Variants in FKBP9 observed in about 807,000 individuals in gnomAD.
FKBP9 encodes the protein FKBP prolyl isomerase 9, also known as peptidyl-prolyl cis-trans isomerase FKBP9.
A neutral mutation model predicts 55.6 loss-of-function variants in FKBP9; 27 were observed. That is an observed-to-expected ratio of 0.49 (90% CI 0.36 to 0.67). The LOEUF is 0.67. Ranked by LOEUF, FKBP9 falls within the 30% of genes least tolerant of loss-of-function variation. FKBP9 has a pLI of 0.00. For missense variants in FKBP9, 539 were observed against 742.8 expected, an observed-to-expected ratio of 0.73 and a Z score of 3.19; for synonymous variants, 267 against 296.5, an observed-to-expected ratio of 0.90 and a Z score of 1.02.
chr7:32,969,994 T>C (rs1333285801), intron 1 of FKBP9, among the ~76,000 whole-genome samples: 10 of 151,380 alleles, frequency 6.6e-5, no homozygotes, highest in Admixed American at 4.6e-4. Flanking sequence ...AGTGAGACTC[T>C]ATCTCAAAAA....
intron 1 of FKBP9, chr7:32,963,608 A>T: frequency 1.4e-6 from 2 of 1,450,072 alleles, no homozygotes; most frequent in South Asian, 2.8e-5. Context: ...GGTTGGGGTG[A>T]ACACAAGCCC....
intron 7 of FKBP9, among the ~76,000 whole-genome samples, chr7:32,999,172 T>A (rs1315673422): frequency 6.6e-6 from 1 of 152,012 alleles, no homozygotes; most frequent in Non-Finnish European, 1.5e-5. Flanking sequence ...GGTAATCAGC[T>A]GGAGGAGGGA....
intron 8 of FKBP9, chr7:33,002,107 T>C (rs1194803235): frequency 6.5e-6 from 1 of 152,894 alleles, no homozygotes; most frequent in Non-Finnish European, 1.5e-5. Flanking sequence ...ACACAATACC[T>C]ATCTTTTCTA....
At chr7:32,970,410 G>A (rs933458512) in intron 1 of FKBP9, among the ~76,000 whole-genome samples, 1 of 151,858 alleles carries the variant, frequency 6.6e-6, no homozygotes. Flanking sequence ...TGGCCAGGCT[G>A]GTCTCAAACT....
At position 32,978,634 on chromosome 7, in the gene FKBP9, G is replaced by A. The variant is rs139884805; in HGVS notation, c.704-1730G>A. Reference sequence around the variant, plus strand: ...CAGCCTCCCAAAGCGCTGGGATTACGGGTGGGAGCCACTGTGCCTGGCAGT... The same window carrying A: ...CAGCCTCCCAAAGCGCTGGGATTACAGGTGGGAGCCACTGTGCCTGGCAGT... On this transcript the variant is annotated intron_variant, in intron 4 of 9. Coordinates refer to ENST00000242209, the MANE Select transcript of FKBP9 (RefSeq NM_007270.5). 2.6e-4 allele frequency among the ~76,000 whole-genome samples: 39 copies of A among 151,636 alleles called. No individual in the cohort carries two copies. The East Asian group carries it at 4.5e-3, about 18-fold the overall frequency.
chr7:32,996,272 A>G lies in FKBP9; in HGVS notation c.1149A>G (p.Ser383=). Reference sequence around the variant, plus strand: ...CCCACTACAAACCCCCTGACTGCTCAGTGCTGAGTAAGAAGGGAGATTACC... The same window carrying G: ...CCCACTACAAACCCCCTGACTGCTCGGTGCTGAGTAAGAAGGGAGATTACC... The part of the protein sequence containing the change: ...ITSHYKPPDC[S]VLSKKGDYLK... Residue 383 remains serine, a synonymous_variant, in exon 7 of 10, where the codon TCA becomes TCG. Transcript: ENST00000242209. The G allele has an allele frequency of 6.2e-7, 1 of 1,614,110 alleles. No individual in the cohort carries two copies. The highest frequency in any genetic ancestry group is 8.5e-7 in the Non-Finnish European group (1 of 1,179,966).
chr7:32,988,633 G>T lies in FKBP9; in HGVS notation c.1020G>T (p.Gly340=). 1 of 1,613,952 alleles carries T rather than the reference G, an allele frequency of 6.2e-7. No individual in the cohort carries two copies. Among genetic ancestry groups the T allele is most frequent in the East Asian group, 2.2e-5 (1 of 44,878 alleles). ...GGATTGTGGTCCCGCCTCACCTGGGGTATGGAGAGGAAGGAAGAGGTGAGC... is the reference window on the plus strand; with the variant it reads ...GGATTGTGGTCCCGCCTCACCTGGGTTATGGAGAGGAAGGAAGAGGTGAGC... ...KRRIVVPPHL[G]YGEEGRGNIP... is the part of the protein sequence containing the mutation. The change falls in exon 6 of 10, where the codon GGG becomes GGT. Residue 340 remains glycine (G), a synonymous_variant. Transcript: ENST00000242209.
intron 6 of FKBP9, among the ~76,000 whole-genome samples, chr7:32,994,817 G>T (rs1169936273): frequency 5.3e-5 from 8 of 152,112 alleles, no homozygotes; most frequent in Admixed American, 5.2e-4. Flanking sequence ...TTAGAGATAG[G>T]AGAGAGACCA....
At chr7:32,974,794 C>T (rs774966591) in intron 2 of FKBP9, 32 bp downstream of exon 2, 1 of 1,580,228 alleles carries the variant, frequency 6.3e-7, no homozygotes, top group Admixed American at 1.8e-5. Flanking sequence ...ATAAACACGT[C>T]AGCAGAAACA....
At chr7:32,996,767 A>G (rs1234766777) in intron 7 of FKBP9, among the ~76,000 whole-genome samples, 1 of 43,948 alleles carries the variant, frequency 2.3e-5, no homozygotes, top group African/African-American at 9.7e-5. Flanking sequence ...TTTTTTTGAT[A>G]AAGTCTCACT....
chr7:32,976,687 T>A (rs1347494641), intron 4 of FKBP9, among the ~76,000 whole-genome samples, 188 bp downstream of exon 4: 1 of 152,240 alleles, frequency 6.6e-6, no homozygotes, highest in East Asian at 1.9e-4. Context: ...TTGGTCACAC[T>A]GCTACATTTT....
chr7:33,005,324 C>T lies in FKBP9; in HGVS notation c.1686C>T (p.Asp562=), dbSNP rs1562578747. The change falls in exon 10 of 10, where the codon GAC becomes GAT. Residue 562 remains aspartate, a synonymous_variant. Coordinates refer to ENST00000242209, the MANE Select transcript of FKBP9 (RefSeq NM_007270.5). ...CAGCCGAGGAATTTAAACTCAAAGA[C>T]CAGGAAGCCAAACACGATGAACTCT... ...KVTAEEFKLK[D]QEAKHDEL is the part of the protein sequence containing the mutation. 1 of 1,614,014 alleles carries T rather than the reference C, an allele frequency of 6.2e-7. No homozygotes were observed. The highest frequency in any genetic ancestry group is 2.2e-5 in the East Asian group (1 of 44,880).
At chr7:32,963,126 A>G (rs142390896) in intron 1 of FKBP9, among the ~76,000 whole-genome samples, 2,347 of 152,264 alleles carry the variant, frequency 0.015, 33 homozygotes, top group Middle Eastern at 0.037. Flanking sequence ...TTGGGCCTTG[A>G]GCATGGATGG....
intron 1 of FKBP9, among the ~76,000 whole-genome samples, chr7:32,965,144 A>T (rs372864155): frequency 1.6e-4 from 25 of 151,852 alleles, no homozygotes; most frequent in African/African-American, 4.8e-4. Flanking sequence ...CTTTTTTTTA[A>T]TTTCTTTCTT....
intron 1 of FKBP9, among the ~76,000 whole-genome samples, chr7:32,969,700 T>C (rs908468692): frequency 2.6e-5 from 4 of 152,162 alleles, no homozygotes; most frequent in Non-Finnish European, 4.4e-5. Context: ...TTTGGCTCTT[T>C]AGAGTCCTTC....
chr7:32,965,494 TCTGC>T (rs1284232467), intron 1 of FKBP9, among the ~76,000 whole-genome samples: 2 of 151,906 alleles, frequency 1.3e-5, no homozygotes, highest in Non-Finnish European at 2.9e-5. Flanking sequence ...GAAGCCCCAT[TCTGC>T]CTTAAGAATA....
Position 32,988,591 on chromosome 7 carries a change from C to T in FKBP9, c.978C>T (p.Cys326=). The T allele has an allele frequency of 6.2e-7, 1 of 1,613,888 alleles. No homozygotes were observed. Among genetic ancestry groups the T allele is most frequent in the South Asian group, 1.1e-5 (1 of 91,080 alleles). ...PGMDEGLLGV[C]IGEKRRIVVP... Reference sequence around the variant, plus strand: ...TGGATGAAGGTCTACTTGGTGTTTGCATTGGAGAAAAGCGAAGGATTGTGG... The same window carrying T: ...TGGATGAAGGTCTACTTGGTGTTTGTATTGGAGAAAAGCGAAGGATTGTGG... Residue 326 remains cysteine, a synonymous_variant, in exon 6 of 10, where the codon TGC becomes TGT. Transcript: ENST00000242209.
intron 7 of FKBP9, among the ~76,000 whole-genome samples, chr7:32,997,689 G>A (rs1369900705): frequency 2.6e-5 from 4 of 152,180 alleles, no homozygotes; most frequent in Non-Finnish European, 5.9e-5. Flanking sequence ...TTAGCCGGGC[G>A]TAGTGGCGGG....
chr7:32,992,260 GCAGAGGAAACCCACCCCCT>G (rs1467753397), intron 6 of FKBP9, among the ~76,000 whole-genome samples: 9 of 25,550 alleles, frequency 3.5e-4, no homozygotes, highest in African/African-American at 1.3e-3. Flanking sequence ...ACCCACCCCC[GCAGAGGAAACCCACCCCCT>G]CAGAGGAAAC....
Sources: gnomAD v4.1 joint callset for allele counts (sites outside exome capture counted in the v4.1 genomes callset) on GRCh38, gnomAD v4.1.1 for gene constraint, MANE v1.5 for transcripts, NCBI Gene and HGNC (gene_info 2026-07-23, HGNC 2026-07-21) for gene names.